BAIAP2: variants seen among roughly 807,000 people sequenced by gnomAD.
BAIAP2 encodes BAR/IMD domain-containing adapter protein 2.
In BAIAP2, 18 loss-of-function variants were observed where a neutral mutation model predicts 63.0. That is an observed-to-expected ratio of 0.29 (90% CI 0.20 to 0.42). The LOEUF (loss-of-function observed/expected upper bound fraction) is 0.42, where lower values mean the gene tolerates loss of function less well. Among genes scored for constraint, BAIAP2 ranks in the 10% least tolerant of loss-of-function variants. BAIAP2 has a pLI of 1.00. For missense variants in BAIAP2, 610 were observed against 734.3 expected (o/e 0.83, Z 1.96); for synonymous variants, 386 against 307.6 (o/e 1.25, Z -2.67).
intron 6 of BAIAP2, among the ~76,000 whole-genome samples, chr17:81,093,486 C>G (rs1568155039): frequency 6.6e-6 from 1 of 152,084 alleles, no homozygotes; most frequent in Admixed American, 6.5e-5. Context: ...GAGGCAGGTG[C>G]AGCCCTCGCT....
chr17:81,057,952 G>T lies in BAIAP2; in HGVS notation c.202G>T (p.Gly68Cys). ...KMGELASESQ[G>C]SKELGDVLFQ... is the part of the protein sequence containing the mutation. ...GGGGGAGCTGGCCAGCGAGAGCCAGGGCTCCAAAGAACTCGGTGAGACCCC... is the reference window on the plus strand; with the variant it reads ...GGGGGAGCTGGCCAGCGAGAGCCAGTGCTCCAAAGAACTCGGTGAGACCCC... Residue 68 changes from glycine (G) to cysteine (C), a missense_variant, in exon 3 of 14, where the codon GGC becomes TGC. Physicochemically the swap from Gly to Cys is radical, Grantham distance 159. Around this residue, in one of 5 missense-constraint regions of BAIAP2, gnomAD observed 389 missense variants for 455.6 expected, o/e 0.85. Coordinates refer to ENST00000428708, the MANE Select transcript of BAIAP2 (RefSeq NM_001144888.2). 6.5e-7 allele frequency: 1 copy of T among 1,539,368 alleles called. No homozygotes were observed. Among genetic ancestry groups the T allele is most frequent in the Admixed American group, 1.8e-5 (1 of 56,770 alleles).
intron 2 of BAIAP2, chr17:81,056,269 C>T (rs2049542869): frequency 6.6e-6 from 1 of 152,206 alleles, no homozygotes; most frequent in Admixed American, 6.5e-5. Flanking sequence ...TGAATGAGAC[C>T]AGTTGTTCAT....
chr17:81,058,199 C>G (rs777166543), intron 3 of BAIAP2, among the ~76,000 whole-genome samples: 1 of 152,198 alleles, frequency 6.6e-6, no homozygotes, highest in Non-Finnish European at 1.5e-5. Context: ...GGACAGCAGG[C>G]AAACCCACGT....
At chr17:81,093,801 G>A (rs865992713) in intron 6 of BAIAP2, among the ~76,000 whole-genome samples, 2 of 152,168 alleles carry the variant, frequency 1.3e-5, no homozygotes, top group East Asian at 1.9e-4. Flanking sequence ...AAGCACCCTC[G>A]TTCAGATCTT....
At chr17:81,113,513 TG>T (rs35334363) in intron 13 of BAIAP2, among the ~76,000 whole-genome samples, 2 of 152,188 alleles carry the variant, frequency 1.3e-5, no homozygotes, top group African/African-American at 2.4e-5. Context: ...CCCAGACAGC[TG>T]GGGGGTGGGG....
At chr17:81,104,161 A>ACCCTACAGTCATGCCTCCTCAGG in intron 9 of BAIAP2, 53 bp downstream of exon 9, 1 of 1,579,896 alleles carries the variant, frequency 6.3e-7, no homozygotes. Flanking sequence ...GCCTCCTCAG[A>ACCCTACAGTCATGCCTCCTCAGG]CCCTACAGTC....
At chr17:81,048,895 CTTCGCGGCA>C (rs1361337595) in intron 1 of BAIAP2, among the ~76,000 whole-genome samples, 2 of 152,248 alleles carry the variant, frequency 1.3e-5, no homozygotes, top group Non-Finnish European at 2.9e-5. Flanking sequence ...TCTCCCGGCA[CTTCGCGGCA>C]TGCGTCCTAT....
At chr17:81,085,139 G>A (rs1012994668) in intron 4 of BAIAP2, 14 of 575,508 alleles carry the variant, frequency 2.4e-5, no homozygotes, top group Non-Finnish European at 4.1e-5. Context: ...CTGGGCTCCA[G>A]GGAGAGTCCT....
chr17:81,097,566 C>G (rs1412769078), intron 6 of BAIAP2: 1 of 152,314 alleles, frequency 6.6e-6, no homozygotes, highest in Non-Finnish European at 1.5e-5. Flanking sequence ...GAGGCCGCCC[C>G]CTTGCGGAGG....
intron 3 of BAIAP2, among the ~76,000 whole-genome samples, chr17:81,070,448 C>T (rs978210952): frequency 1.3e-5 from 2 of 152,220 alleles, no homozygotes; most frequent in African/African-American, 4.8e-5. Context: ...GAAAGAAACC[C>T]CTCTGCCCCG....
chr17:81,098,456 C>T (rs758887361), intron 6 of BAIAP2, among the ~76,000 whole-genome samples: 21 of 152,010 alleles, frequency 1.4e-4, no homozygotes, highest in Non-Finnish European at 2.6e-4. Flanking sequence ...ATACACGTAA[C>T]TAATACAGTT....
chr17:81,109,214 A>C, intron 13 of BAIAP2: 2 of 1,390,402 alleles, frequency 1.4e-6, no homozygotes, highest in East Asian at 2.7e-5. Context: ...TACGCGCCCC[A>C]TCCTGTGTGT....
chr17:81,072,888 AT>A (rs2052951766), intron 3 of BAIAP2, among the ~76,000 whole-genome samples: 1 of 151,772 alleles, frequency 6.6e-6, no homozygotes, highest in Non-Finnish European at 1.5e-5. Context: ...CACGGACCTC[AT>A]TGTCTGTGGT....
intron 7 of BAIAP2, among the ~76,000 whole-genome samples, chr17:81,100,402 C>A (rs374699945): frequency 6.6e-6 from 1 of 152,168 alleles, no homozygotes; most frequent in Non-Finnish European, 1.5e-5. Context: ...CAGGCTGACG[C>A]CAGGCAGGGG....
rs372655740 is a variant in BAIAP2 at position 81,095,345 on chromosome 17, G to A, written c.490-4583G>A. Reference sequence around the variant, plus strand: ...GACGTGCCCCGTATAGGTCATCCCCGTCCAACAGCAGGTCACAGTTGGCCG... The same window carrying A: ...GACGTGCCCCGTATAGGTCATCCCCATCCAACAGCAGGTCACAGTTGGCCG... On this transcript the variant is annotated intron_variant, in intron 6 of 13. Transcript: ENST00000428708. Among the ~76,000 whole-genome samples, 21 of 152,254 alleles carry A rather than the reference G, an allele frequency of 1.4e-4. No homozygotes were observed. In the East Asian group the frequency reaches 3.5e-3, roughly 25 times the overall value.
At chr17:81,109,808 A>G (rs2059680990) in intron 13 of BAIAP2, 1 of 985,086 alleles carries the variant, frequency 1.0e-6, no homozygotes, top group Non-Finnish European at 1.2e-6. Flanking sequence ...TCCAGAGACC[A>G]CCCCACCCCC....
rs1053106085 is a variant in BAIAP2 at position 81,046,701 on chromosome 17, C to T, written c.55-6967C>T. ...GGTGTCCTCCCGCGAGGACACTGTC[C>T]ACTGCTGCAGGGCCCCTCCTGTACC... On this transcript the variant is annotated intron_variant, in intron 1 of 13. Coordinates refer to ENST00000428708, the MANE Select transcript of BAIAP2 (RefSeq NM_001144888.2). The surrounding 1 kb of genome is among the most constrained non-coding windows in gnomAD (Gnocchi z 4.5). 6.6e-6 allele frequency among the ~76,000 whole-genome samples: 1 copy of T among 152,202 alleles called. No individual in the cohort carries two copies. The highest frequency in any genetic ancestry group is 1.5e-5 in the Non-Finnish European group (1 of 68,026).
intron 7 of BAIAP2, 47 bp downstream of exon 7, chr17:81,100,127 C>A: frequency 6.4e-7 from 1 of 1,568,886 alleles, no homozygotes; most frequent in South Asian, 1.2e-5. Context: ...GCCTTGCTGG[C>A]AGAAATGACC....
intron 1 of BAIAP2, among the ~76,000 whole-genome samples, chr17:81,052,048 A>C (rs561559146): frequency 6.0e-4 from 92 of 152,224 alleles, no homozygotes; most frequent in Non-Finnish European, 1.2e-3. Context: ...CCTTAGCTTC[A>C]TGCAGCCGGG....
Sources: allele counts gnomAD v4.1 joint callset (sites outside exome capture counted in the v4.1 genomes callset), GRCh38; gene constraint gnomAD v4.1.1; regional missense constraint gnomAD v4.1.1; non-coding constraint Gnocchi (gnomAD v3.1); transcripts MANE v1.5; gene names NCBI Gene and HGNC (gene_info 2026-07-23, HGNC 2026-07-21).